The following ASH2L variants were observed in gnomAD, a reference collection of about 807,000 sequenced individuals.
The protein encoded by ASH2L is ASH2 like, histone lysine methyltransferase complex subunit, also known as set1/Ash2 histone methyltransferase complex subunit ASH2.
A neutral mutation model predicts 81.1 loss-of-function variants in ASH2L; 30 were observed. The ratio of observed to expected loss-of-function variants is 0.37; its 90% CI spans 0.28 to 0.50. ASH2L has a LOEUF of 0.50. Ranked by LOEUF, ASH2L falls within the 20% of genes least tolerant of loss-of-function variation. The pLI, the probability that ASH2L is intolerant of heterozygous loss-of-function variation, is 0.95. For missense variants in ASH2L, 559 were observed against 792.1 expected (o/e 0.71, Z 3.53); for synonymous variants, 273 against 279.9 (o/e 0.98, Z 0.24).
At chr8:38,105,867 CTGCGCCGCTTG>C in intron 1 of ASH2L, 129 bp downstream of exon 1, 2 of 1,442,190 alleles carry the variant, frequency 1.4e-6, no homozygotes, top group Non-Finnish European at 1.8e-6. Flanking sequence ...CGCCCTGCCT[CTGCGCCGCTTG>C]GCCCGTCCCC....
chr8:38,115,406 G>A (rs958042604), intron 7 of ASH2L, among the ~76,000 whole-genome samples: 13 of 152,190 alleles, frequency 8.5e-5, no homozygotes, highest in South Asian at 2.1e-4. Flanking sequence ...ACAGGCAAAC[G>A]AAAATTGCTG....
At chr8:38,113,019 TGTA>T in intron 5 of ASH2L, among the ~76,000 whole-genome samples, 1 of 152,164 alleles carries the variant, frequency 6.6e-6, no homozygotes. Flanking sequence ...CAGGCTAAAA[TGTA>T]GTGGTGCGAT....
chr8:38,117,211 G>A (rs865943654), intron 8 of ASH2L, among the ~76,000 whole-genome samples: 12 of 152,076 alleles, frequency 7.9e-5, no homozygotes, highest in Admixed American at 2.0e-4. Flanking sequence ...AAAACCCCTC[G>A]TTACTAATGG....
chr8:38,136,275 G>A (rs1164891447), intron 14 of ASH2L, among the ~76,000 whole-genome samples: 1 of 151,238 alleles, frequency 6.6e-6, no homozygotes, highest in Admixed American at 6.6e-5. Context: ...TCACTACATT[G>A]CCCTGGCTGG....
At chr8:38,130,679 A>G (rs1224162906) in intron 12 of ASH2L, among the ~76,000 whole-genome samples, 2 of 151,572 alleles carry the variant, frequency 1.3e-5, no homozygotes, top group Admixed American at 1.3e-4. Flanking sequence ...GCTCACTGCA[A>G]CCTCCGTCTC....
At chr8:38,120,423 A>G (rs1438250547) in intron 9 of ASH2L, among the ~76,000 whole-genome samples, 2 of 151,844 alleles carry the variant, frequency 1.3e-5, no homozygotes, top group Non-Finnish European at 1.5e-5. Context: ...ATTTATTTAT[A>G]TATTTTTGTG....
At chr8:38,123,895 C>T (rs955290425) in intron 10 of ASH2L, among the ~76,000 whole-genome samples, 5 of 152,136 alleles carry the variant, frequency 3.3e-5, no homozygotes, top group African/African-American at 1.2e-4. Flanking sequence ...GGCTAGAAGG[C>T]AGTGGCGTGA....
At chr8:38,133,087 CAAA>C (rs1362506644) in intron 12 of ASH2L, among the ~76,000 whole-genome samples, 1 of 113,494 alleles carries the variant, frequency 8.8e-6, no homozygotes, top group African/African-American at 3.3e-5. Flanking sequence ...AACTCCGTCT[CAAA>C]AAAAAAAAAA....
rs777811175 is a variant in ASH2L at position 38,128,478 on chromosome 8, T to C, written c.1333+20T>C. The C allele has an allele frequency of 5.6e-6, 9 of 1,612,096 alleles. No homozygotes were observed. The African/African-American group carries it at 6.7e-5, about 12-fold the overall frequency. On this transcript the variant is annotated intron_variant, in intron 11 of 15. Transcript: ENST00000343823. ...CCCTAGGTAAGCTGGGGCCTTAATATGGACATCACAGCAGATAGAGAGGAT... is the reference window on the plus strand; with the variant it reads ...CCCTAGGTAAGCTGGGGCCTTAATACGGACATCACAGCAGATAGAGAGGAT...
intron 13 of ASH2L, 44 bp downstream of exon 13, chr8:38,133,590 C>G (rs372087489): frequency 7.2e-7 from 1 of 1,390,798 alleles, no homozygotes. Flanking sequence ...AGGCCTTGAG[C>G]GTTAGGACCC....
rs755057376 is a variant in ASH2L at position 38,128,740 on chromosome 8, A to G, written c.1334-18A>G. ...CTTGCAATCTTCTGACTTCCTGTGT[A>G]TGTTTTTATTGGGACAGGAAACCTT... On this transcript the variant is annotated intron_variant, in intron 11 of 15. Transcript: ENST00000343823. The G allele has an allele frequency of 4.4e-6, 7 of 1,599,750 alleles. No individual in the cohort carries two copies. Among genetic ancestry groups the G allele is most frequent in the African/African-American group, 1.4e-5 (1 of 74,016 alleles).
chr8:38,114,951 G>T lies in ASH2L; in HGVS notation c.728G>T (p.Gly243Val), dbSNP rs1417185610. 1 of 1,612,810 alleles carries T rather than the reference G, an allele frequency of 6.2e-7. No individual in the cohort carries two copies. The highest frequency in any genetic ancestry group is 8.5e-7 in the Non-Finnish European group (1 of 1,179,088). ...TTGGTAAAGGAACACCCAGATCCAG[G>T]CAGTAAAGATCCAGAAGAAGATTAC... The part of the protein sequence containing the change: ...VFLVKEHPDP[G>V]SKDPEEDYPK... Residue 243 changes from glycine to valine, a missense_variant, in exon 7 of 16, where the codon GGC becomes GTC. This residue lies in a region of ASH2L where 318 missense variants were observed against 527.0 expected (regional missense o/e 0.60). Transcript: ENST00000343823.
rs1319639765 is a variant in ASH2L, at chr8:38,128,958, T to C, written c.1527+7T>C. The C allele has an allele frequency of 6.2e-7, 1 of 1,610,244 alleles. No individual in the cohort carries two copies. The highest frequency in any genetic ancestry group is 1.1e-5 in the South Asian group (1 of 90,320). The stretch of plus-strand genomic sequence containing the variant: ...AGACACATACAAAGATAAGGTGAGT[T>C]TGTCCTCTCCCGGCAGATTCCTGGC... On this transcript the variant is annotated splice_region_variant and intron_variant, in intron 12 of 15. Coordinates refer to ENST00000343823, the MANE Select transcript of ASH2L (RefSeq NM_004674.5).
intron 6 of ASH2L, 82 bp downstream of exon 6, chr8:38,114,369 G>A: frequency 1.1e-6 from 1 of 874,546 alleles, no homozygotes. Flanking sequence ...GTCTCATTGT[G>A]AAATGATAAA....
chr8:38,139,367 A>T lies in ASH2L; in HGVS notation c.*296A>T, dbSNP rs1802391013. 3.8e-6 allele frequency: 1 copy of T among 259,822 alleles called. No homozygotes were observed. Among genetic ancestry groups the T allele is most frequent in the Non-Finnish European group, 7.3e-6 (1 of 137,028 alleles). The allele number at this position is 259,822 out of a possible 1,614,324, so 16.1% of individuals were successfully genotyped here. On this transcript the variant is annotated 3_prime_UTR_variant, in exon 16 of 16. Transcript: ENST00000343823. ...CATACCCTGCCAGCTGTGACTTGTT[A>T]TCCTACTATATTTTCTAAGGAGTGA...
chr8:38,111,088 C>G (rs1262024834), intron 5 of ASH2L, among the ~76,000 whole-genome samples: 1 of 152,164 alleles, frequency 6.6e-6, no homozygotes, highest in Non-Finnish European at 1.5e-5. Context: ...GCATGCGCCA[C>G]CACGCCCAGC....
chr8:38,112,042 T>C (rs1426416153), intron 5 of ASH2L, among the ~76,000 whole-genome samples: 1 of 152,204 alleles, frequency 6.6e-6, no homozygotes, highest in Non-Finnish European at 1.5e-5. Context: ...GGTTTTGCTC[T>C]ATTACCCAGC....
intron 5 of ASH2L, 136 bp from the exon 6 acceptor site, chr8:38,114,056 A>T: frequency 1.7e-6 from 1 of 575,780 alleles, no homozygotes; most frequent in Non-Finnish European, 3.1e-6. Flanking sequence ...TAAACCTTGT[A>T]TAACACCGTG....
At position 38,119,383 on chromosome 8, in the gene ASH2L, T is replaced by C; in HGVS notation, c.947+20T>C. ...CCGGAGGTGGGGAGAGTGCCCACCC[T>C]GCCCCCCTCACTATTTAAGTATTAT... On this transcript the variant is annotated intron_variant, in intron 9 of 15. Coordinates refer to ENST00000343823, the MANE Select transcript of ASH2L (RefSeq NM_004674.5). The C allele has an allele frequency of 6.7e-7, 1 of 1,488,512 alleles. No homozygotes were observed. The highest frequency in any genetic ancestry group is 9.0e-7 in the Non-Finnish European group (1 of 1,111,222). The allele number at this position is 1,488,512 out of a possible 1,614,324, so 92.2% of individuals were successfully genotyped here.
Sources: gnomAD v4.1 joint callset for allele counts (sites outside exome capture counted in the v4.1 genomes callset) on GRCh38, gnomAD v4.1.1 for gene constraint, gnomAD v4.1.1 regional missense constraint, MANE v1.5 for transcripts, NCBI Gene and HGNC (gene_info 2026-07-23, HGNC 2026-07-21) for gene names.